PTPRD: variants seen among roughly 807,000 people sequenced by gnomAD.
PTPRD encodes protein tyrosine phosphatase receptor type D, also known as receptor-type tyrosine-protein phosphatase delta.
In PTPRD, 34 loss-of-function variants were observed where a neutral mutation model predicts 214.5. That is an observed-to-expected ratio of 0.16 (90% CI 0.12 to 0.21). The LOEUF is 0.21. PTPRD is among the 10% of genes least tolerant of loss of function. The pLI is 1.00. For missense variants in PTPRD, 2,545 were observed against 2,398.7 expected (o/e 1.06, Z -1.27); for synonymous variants, 1,128 against 845.7 (o/e 1.33, Z -5.79).
rs774707899 is a variant in PTPRD, at chr9:8,485,284, A to T, written c.3096T>A (p.Thr1032=). ...GAATCTCCCAAGACAGCAACACGGA[A>T]GTCTTCATTACTGCTTTGACATGAA... is the stretch of plus-strand genomic sequence containing the variant. The part of the protein sequence containing the change: ...KNFHVKAVMK[T]SVLLSWEIPE... The change falls in exon 29 of 46, where the codon ACT becomes ACA. Residue 1032 remains threonine (T), a synonymous_variant. Transcript: ENST00000381196. 6.2e-7 allele frequency: 1 copy of T among 1,614,174 alleles called. No individual in the cohort carries two copies. Among genetic ancestry groups the T allele is most frequent in the Non-Finnish European group, 8.5e-7 (1 of 1,179,996 alleles).
chr9:8,545,958 CA>C (rs1433782514), intron 14 of PTPRD, among the ~76,000 whole-genome samples: 1 of 152,202 alleles, frequency 6.6e-6, no homozygotes, highest in African/African-American at 2.4e-5. Flanking sequence ...CTCAATTTAT[CA>C]GGTGGCTAGC....
At chr9:9,921,923 A>T (rs2082660531) in intron 5 of PTPRD, among the ~76,000 whole-genome samples, 1 of 152,124 alleles carries the variant, frequency 6.6e-6, no homozygotes. Flanking sequence ...TGATTATCAC[A>T]TATTCAGTAA....
intron 33 of PTPRD, among the ~76,000 whole-genome samples, chr9:8,457,487 G>C (rs1325419148): frequency 6.6e-6 from 1 of 151,542 alleles, no homozygotes; most frequent in Non-Finnish European, 1.5e-5. Context: ...ATGTATTATA[G>C]GTATACAGAT....
intron 34 of PTPRD, among the ~76,000 whole-genome samples, chr9:8,447,277 T>C (rs980052849): frequency 5.9e-5 from 9 of 152,324 alleles, no homozygotes; most frequent in Middle Eastern, 6.8e-3. Flanking sequence ...TATTCCCTTA[T>C]TCATTTGAGG....
At chr9:9,042,967 G>T (rs2099646139) in intron 10 of PTPRD, among the ~76,000 whole-genome samples, 2 of 152,146 alleles carry the variant, frequency 1.3e-5, no homozygotes, top group South Asian at 4.1e-4. Context: ...GTTCTAACAG[G>T]ACTGGACTTG....
rs573455802 is a variant in PTPRD, at chr9:8,826,628, C to A, written c.-103-92682G>T. ...GACCAAGATTCCAAGACTGCAGGCA[C>A]CATCTTTTTTTTTTTTTCTATATAG... is the stretch of plus-strand genomic sequence containing the variant. On this transcript the variant is annotated intron_variant, in intron 11 of 45. Coordinates refer to ENST00000381196, the MANE Select transcript of PTPRD (RefSeq NM_002839.4). Among the ~76,000 whole-genome samples, 6 of 104,822 alleles carry A rather than the reference C, an allele frequency of 5.7e-5. No homozygotes were observed. In the Admixed American group the frequency reaches 6.1e-4, roughly 11 times the overall value. 68.8% of individuals were successfully genotyped at this position (104,822 alleles called of 152,430 possible).
At chr9:8,713,608 C>T (rs1446905861) in intron 12 of PTPRD, 71 of 1,530,874 alleles carry the variant, frequency 4.6e-5, no homozygotes, top group Non-Finnish European at 5.7e-5. Flanking sequence ...ATACCGGGAC[C>T]TGACCACCGC....
At chr9:9,170,502 G>A (rs1327197187) in intron 10 of PTPRD, among the ~76,000 whole-genome samples, 1 of 152,152 alleles carries the variant, frequency 6.6e-6, no homozygotes, top group Non-Finnish European at 1.5e-5. Context: ...AGCTGCGAGT[G>A]TTACTACCTT....
rs2096203445 is a variant in PTPRD, at chr9:9,646,940, CTG to C, written c.-286-72161_-286-72160del. 3.9e-5 allele frequency among the ~76,000 whole-genome samples: 6 copies of C among 152,206 alleles called. No individual in the cohort carries two copies. The South Asian group carries it at 1.0e-3, about 26-fold the overall frequency. On this transcript the variant is annotated intron_variant, in intron 7 of 45. Transcript: ENST00000381196. ...TTGGCTGAAACTATGGAAAGCAAAA[CTG>C]TGGATAAGCTGGGGAGGTGCAGGGG...
chr9:10,360,993 T>A (rs765054311), intron 2 of PTPRD, among the ~76,000 whole-genome samples: 2 of 151,932 alleles, frequency 1.3e-5, no homozygotes, highest in South Asian at 2.1e-4. Flanking sequence ...TCCCAGCTAC[T>A]CGGGAGGCTG....
chr9:8,580,476 T>A (rs914897776), intron 14 of PTPRD, among the ~76,000 whole-genome samples: 2 of 152,224 alleles, frequency 1.3e-5, no homozygotes, highest in African/African-American at 2.4e-5. Context: ...TATGCTGCCG[T>A]CTGCAGACCC....
Position 8,733,902 on chromosome 9 carries a change from G to C in PTPRD, c.-59C>G. ...TGGAATCACTGCCTCCGGAGCCGCA[G>C]CGAGTCTGTCCGATCTGAAATTTCA... On this transcript the variant is annotated 5_prime_UTR_variant, in exon 12 of 46. Coordinates refer to ENST00000381196, the MANE Select transcript of PTPRD (RefSeq NM_002839.4). 6.6e-7 allele frequency: 1 copy of C among 1,511,622 alleles called. No individual in the cohort carries two copies. The highest frequency in any genetic ancestry group is 9.0e-7 in the Non-Finnish European group (1 of 1,116,506). 93.6% of individuals were successfully genotyped at this position (1,511,622 alleles called of 1,614,324 possible). A position where few individuals can be genotyped will look rare whatever the true frequency, so the allele number is the denominator to read the frequency against.
chr9:8,499,784 T>C lies in PTPRD; in HGVS notation c.2185A>G (p.Lys729Glu). 6.2e-7 allele frequency: 1 copy of C among 1,613,918 alleles called. No individual in the cohort carries two copies. Among genetic ancestry groups the C allele is most frequent in the Non-Finnish European group, 8.5e-7 (1 of 1,179,914 alleles). Residue 729 changes from lysine (K) to glutamate (E), a missense_variant, in exon 25 of 46, where the codon AAA becomes GAA. Transcript: ENST00000381196. ...GGCACGGGTGAGCGCCATGAGACTT[T>C]AACAGATGTTGAGTTGACAGCCTCT... ...EVEAVNSTSV[K>E]VSWRSPVPNK... is the part of the protein sequence containing the mutation.
chr9:8,685,448 G>C (rs12347790), intron 12 of PTPRD, among the ~76,000 whole-genome samples: 2,198 of 152,180 alleles, frequency 0.014, 61 homozygotes, highest in African/African-American at 0.05. Flanking sequence ...CATTTTGTTG[G>C]AGTTTCAGAA....
intron 11 of PTPRD, among the ~76,000 whole-genome samples, chr9:8,922,813 ATT>A (rs560268362): frequency 2.9e-5 from 4 of 139,670 alleles, no homozygotes; most frequent in Non-Finnish European, 3.1e-5. Flanking sequence ...CGCCCGGCTA[ATT>A]TTTTTTTTTT....
intron 3 of PTPRD, among the ~76,000 whole-genome samples, chr9:10,329,872 A>G (rs750206229): frequency 1.3e-5 from 2 of 151,842 alleles, no homozygotes; most frequent in Admixed American, 1.3e-4. Context: ...CGCATGGCAT[A>G]GTCTGTCATG....
intron 11 of PTPRD, among the ~76,000 whole-genome samples, chr9:8,743,379 C>G (rs540166026): frequency 5.3e-5 from 8 of 152,100 alleles, no homozygotes; most frequent in Non-Finnish European, 7.4e-5. Flanking sequence ...TGATGTCAGT[C>G]AGTGAATAGA....
At chr9:10,487,346 C>G (rs531719898) in intron 2 of PTPRD, among the ~76,000 whole-genome samples, 1 of 152,090 alleles carries the variant, frequency 6.6e-6, no homozygotes, top group African/African-American at 2.4e-5. Context: ...TTGTTGTTTT[C>G]TGTTTGTTTT....
chr9:9,033,363 G>T (rs2099611654), intron 10 of PTPRD, among the ~76,000 whole-genome samples: 1 of 152,110 alleles, frequency 6.6e-6, no homozygotes, highest in Admixed American at 6.6e-5. Context: ...CATGAGGAAA[G>T]TTAATGGCTG....
Sources: allele counts gnomAD v4.1 joint callset (sites outside exome capture counted in the v4.1 genomes callset), GRCh38; gene constraint gnomAD v4.1.1; transcripts MANE v1.5; gene names NCBI Gene and HGNC (gene_info 2026-07-23, HGNC 2026-07-21).